VSNL1: variants seen among roughly 807,000 people sequenced by gnomAD.
VSNL1 encodes visinin-like protein 1.
In VSNL1, 6 loss-of-function variants were observed where a neutral mutation model predicts 20.4. The ratio of observed to expected loss-of-function variants is 0.29; its 90% CI spans 0.16 to 0.58. VSNL1 has a LOEUF of 0.58. Ranked by LOEUF, VSNL1 falls within the 20% of genes least tolerant of loss-of-function variation. The pLI is 0.90. For synonymous variants in VSNL1, 93 were observed against 86.4 expected, an observed-to-expected ratio of 1.08 and a Z score of -0.42; for missense variants, 100 against 234.5, an observed-to-expected ratio of 0.43 and a Z score of 3.75.
chr2:17,646,331 C>T (rs1665995301), intron 2 of VSNL1, among the ~76,000 whole-genome samples: 1 of 152,342 alleles, frequency 6.6e-6, no homozygotes, highest in South Asian at 2.1e-4. Flanking sequence ...TAATGCAACA[C>T]ATTTGGTTGC....
At chr2:17,653,136 G>A (rs1369402019) in intron 3 of VSNL1, among the ~76,000 whole-genome samples, 1 of 152,288 alleles carries the variant, frequency 6.6e-6, no homozygotes, top group Non-Finnish European at 1.5e-5. Flanking sequence ...ACGGAGTTCC[G>A]AGTCTGGCAT....
At chr2:17,541,560 G>A (rs1285022425) in intron 1 of VSNL1, 4 of 152,186 alleles carry the variant, frequency 2.6e-5, no homozygotes, top group Admixed American at 2.6e-4. Context: ...CTGCACTGTC[G>A]ATTTTGAACG....
In VSNL1 at chr2:17,602,771, AAAAATAAAAT is replaced by A. The variant is rs1170664824; in HGVS notation, c.162+10551_162+10560del. Among the ~76,000 whole-genome samples, 51 of 90,522 alleles carry A rather than the reference AAAAATAAAAT, an allele frequency of 5.6e-4. 1 individual carries two copies. In the East Asian group the frequency reaches 5.9e-3, roughly 10 times the overall value. The allele number at this position is 90,522 out of a possible 152,430, so 59.4% of individuals were successfully genotyped here. On this transcript the variant is annotated intron_variant, in intron 2 of 3. Coordinates refer to ENST00000295156, the MANE Select transcript of VSNL1 (RefSeq NM_003385.5). ...ATAAATATAAAATAAAATAAAATAA[AAAAATAAAAT>A]AAAATAAAATAAAATGTCAAAGGGA...
intron 1 of VSNL1, among the ~76,000 whole-genome samples, chr2:17,587,253 A>G (rs558029129): frequency 6.6e-6 from 1 of 152,002 alleles, no homozygotes; most frequent in Admixed American, 6.6e-5. Flanking sequence ...GAGGAGCTGG[A>G]TATGCAGTTC....
intron 1 of VSNL1, among the ~76,000 whole-genome samples, chr2:17,560,343 G>A (rs563308715): frequency 4.0e-5 from 6 of 151,856 alleles, no homozygotes; most frequent in Admixed American, 1.3e-4. Flanking sequence ...AAAGAGTGAG[G>A]GTAAGCTTGC....
intron 1 of VSNL1, among the ~76,000 whole-genome samples, chr2:17,565,677 T>C (rs947182530): frequency 6.6e-6 from 1 of 152,232 alleles, no homozygotes. Context: ...TTAGGATAAC[T>C]GAATGTCTAC....
At chr2:17,622,594 A>AAGAAAGAG (rs1572205083) in intron 2 of VSNL1, among the ~76,000 whole-genome samples, 2 of 141,562 alleles carry the variant, frequency 1.4e-5, no homozygotes, top group East Asian at 4.0e-4. Context: ...GAAAGAAAGA[A>AAGAAAGAG]AGAAAGAAAA....
chr2:17,592,257 G>A (rs2680827), intron 2 of VSNL1, 21 bp downstream of exon 2: 1,143,745 of 1,611,016 alleles, frequency 0.71, 413,080 homozygotes, highest in East Asian at 0.99. Context: ...TTTCAACCTT[G>A]TTTTTATTCC....
At chr2:17,646,901 A>G (rs962382501) in intron 2 of VSNL1, among the ~76,000 whole-genome samples, 1 of 152,176 alleles carries the variant, frequency 6.6e-6, no homozygotes, top group African/African-American at 2.4e-5. Context: ...ATCCATCTAG[A>G]GTTGAATTAT....
At chr2:17,614,373 A>T (rs1418050399) in intron 2 of VSNL1, among the ~76,000 whole-genome samples, 1 of 152,246 alleles carries the variant, frequency 6.6e-6, no homozygotes, top group Non-Finnish European at 1.5e-5. Context: ...CCTTAGCACC[A>T]GGCAGTGCAT....
At chr2:17,603,740 G>A (rs950892713) in intron 2 of VSNL1, among the ~76,000 whole-genome samples, 2 of 152,172 alleles carry the variant, frequency 1.3e-5, no homozygotes, top group African/African-American at 2.4e-5. Flanking sequence ...ACTGCCAAAC[G>A]TGTTAGAGGA....
At chr2:17,603,514 C>G (rs62132138) in intron 2 of VSNL1, among the ~76,000 whole-genome samples, 8,228 of 152,246 alleles carry the variant, frequency 0.054, 259 homozygotes, top group East Asian at 0.091. Context: ...CATTCAGACT[C>G]TATCAGGCAG....
At chr2:17,643,173 GCC>G (rs1558310249) in intron 2 of VSNL1, among the ~76,000 whole-genome samples, 1 of 152,174 alleles carries the variant, frequency 6.6e-6, no homozygotes, top group African/African-American at 2.4e-5. Flanking sequence ...TCTCCCTCCT[GCC>G]CTCACAAAGC....
At chr2:17,582,798 A>G (rs984032194) in intron 1 of VSNL1, among the ~76,000 whole-genome samples, 1 of 151,918 alleles carries the variant, frequency 6.6e-6, no homozygotes, top group Non-Finnish European at 1.5e-5. Flanking sequence ...AGATGAATAC[A>G]TTATCTAGTA....
intron 2 of VSNL1, among the ~76,000 whole-genome samples, chr2:17,619,511 G>A (rs1484045166): frequency 2.0e-5 from 3 of 152,150 alleles, no homozygotes; most frequent in Non-Finnish European, 2.9e-5. Context: ...AGCAGCCCCC[G>A]AGCCTTCTGA....
chr2:17,612,680 A>T (rs1244608809), intron 2 of VSNL1, among the ~76,000 whole-genome samples: 1 of 152,182 alleles, frequency 6.6e-6, no homozygotes, highest in East Asian at 1.9e-4. Context: ...AGGTGAGACC[A>T]ACATCTATAC....
intron 1 of VSNL1, among the ~76,000 whole-genome samples, chr2:17,582,670 G>A (rs953614281): frequency 4.6e-5 from 7 of 152,044 alleles, no homozygotes; most frequent in African/African-American, 9.7e-5. Context: ...CCACTTACTC[G>A]GAGAGGAACA....
In VSNL1 at chr2:17,634,515, T is replaced by G. The variant is rs941947317; in HGVS notation, c.163-14895T>G. The stretch of plus-strand genomic sequence containing the variant: ...AAGCAAGAAATAAAAAGGCAATGTG[T>G]GACATTTCCCAAGGTGCAGACAATG... On this transcript the variant is annotated intron_variant, in intron 2 of 3. Transcript: ENST00000295156. This position sits in a 1 kb window ranked among gnomAD's most constrained non-coding sequence, Gnocchi z 4.3. Among the ~76,000 whole-genome samples, 1 of 152,064 alleles carries G rather than the reference T, an allele frequency of 6.6e-6. No individual in the cohort carries two copies. Among genetic ancestry groups the G allele is most frequent in the East Asian group, 1.9e-4 (1 of 5,188 alleles).
At chr2:17,554,726 A>G (rs1454085064) in intron 1 of VSNL1, among the ~76,000 whole-genome samples, 3 of 152,164 alleles carry the variant, frequency 2.0e-5, no homozygotes, top group Non-Finnish European at 4.4e-5. Context: ...TTAAGTAAAA[A>G]GAGTAATATT....
Sources: allele counts gnomAD v4.1 joint callset (sites outside exome capture counted in the v4.1 genomes callset), GRCh38; gene constraint gnomAD v4.1.1; non-coding constraint Gnocchi (gnomAD v3.1); transcripts MANE v1.5; gene names NCBI Gene and HGNC (gene_info 2026-07-23, HGNC 2026-07-21).